Variants in BARX2 observed in about 807,000 individuals in gnomAD.
BARX2 encodes the protein homeobox protein BarH-like 2.
Under a neutral mutation model 25.5 loss-of-function variants are expected in BARX2, and 11 were observed. The observed-to-expected ratio is 0.43, with a 90% CI of 0.27 to 0.71. BARX2 has a LOEUF of 0.71. BARX2 is among the 30% of genes least tolerant of loss of function. The probability of loss-of-function intolerance (pLI) is 0.19; values close to 1 mark genes in which losing one functional copy is unlikely to be tolerated. For synonymous variants in BARX2, 137 were observed against 149.5 expected (o/e 0.92, Z 0.61); for missense variants, 360 against 359.9 (o/e 1.00, Z 0.00).
At chr11:129,407,090 C>T (rs1861838105) in intron 1 of BARX2, among the ~76,000 whole-genome samples, 1 of 152,004 alleles carries the variant, frequency 6.6e-6, no homozygotes, top group African/African-American at 2.4e-5. Flanking sequence ...CTACAGCTTG[C>T]GAATGGGACC....
intron 1 of BARX2, among the ~76,000 whole-genome samples, chr11:129,420,661 T>C (rs894327709): frequency 1.3e-5 from 2 of 152,204 alleles, no homozygotes; most frequent in African/African-American, 4.8e-5. Context: ...AAGTAAATAG[T>C]TTATAGTTTA....
chr11:129,409,234 A>G (rs1466140076), intron 1 of BARX2, among the ~76,000 whole-genome samples: 3 of 152,194 alleles, frequency 2.0e-5, no homozygotes, highest in Admixed American at 6.5e-5. Flanking sequence ...CATGTTTTCC[A>G]TCCCACCCAC....
At chr11:129,413,270 A>C (rs1861908415) in intron 1 of BARX2, among the ~76,000 whole-genome samples, 2 of 152,224 alleles carry the variant, frequency 1.3e-5, no homozygotes, top group African/African-American at 4.8e-5. Flanking sequence ...AACTTAAAGG[A>C]ATTTGTCAAA....
chr11:129,442,485 G>A (rs1006368556), intron 2 of BARX2, among the ~76,000 whole-genome samples: 4 of 152,188 alleles, frequency 2.6e-5, no homozygotes, highest in Non-Finnish European at 4.4e-5. Context: ...TTCCAGTCTG[G>A]ACGATGGGCC....
At position 129,435,798 on chromosome 11, in the gene BARX2, C is replaced by T. The variant is rs144318549; in HGVS notation, c.188-953C>T. ...TGTGTTGAATAATCAAAGGGAAAAG[C>T]TCTTTACTTGAACTTTACAGATTTA... On this transcript the variant is annotated intron_variant, in intron 1 of 3. Transcript: ENST00000281437. 2.3e-3 allele frequency among the ~76,000 whole-genome samples: 357 copies of T among 152,308 alleles called. 1 individual carries two copies. Among genetic ancestry groups the T allele is most frequent in the Non-Finnish European group, 4.2e-3 (289 of 68,034 alleles).
intron 1 of BARX2, among the ~76,000 whole-genome samples, chr11:129,377,099 C>G (rs1427831167): frequency 6.6e-6 from 1 of 152,144 alleles, no homozygotes; most frequent in African/African-American, 2.4e-5. Flanking sequence ...AGTAGGAGCA[C>G]TTTTTATCAG....
chr11:129,391,372 C>T (rs769471434), intron 1 of BARX2, among the ~76,000 whole-genome samples: 5 of 152,212 alleles, frequency 3.3e-5, no homozygotes, highest in Non-Finnish European at 7.3e-5. Context: ...TTGTCTGTGG[C>T]AGCTTTCATG....
Position 129,436,693 on chromosome 11 carries a change from C to T in BARX2, c.188-58C>T. Reference sequence around the variant, plus strand: ...CTCAGCCAGCGGCCCTCCGCAGGTCCTGGCCTGCTTCCCCACACCGTTCCC... The same window carrying T: ...CTCAGCCAGCGGCCCTCCGCAGGTCTTGGCCTGCTTCCCCACACCGTTCCC... On this transcript the variant is annotated intron_variant, in intron 1 of 3. Transcript: ENST00000281437. This position sits in a 1 kb window ranked among gnomAD's most constrained non-coding sequence, Gnocchi z 4.5. The T allele has an allele frequency of 6.6e-7, 1 of 1,514,774 alleles. No homozygotes were observed. The highest frequency in any genetic ancestry group is 8.9e-7 in the Non-Finnish European group (1 of 1,126,662). 93.8% of individuals were successfully genotyped at this position (1,514,774 alleles called of 1,614,324 possible).
intron 1 of BARX2, among the ~76,000 whole-genome samples, chr11:129,404,139 G>A (rs4937426): frequency 0.27 from 41,091 of 152,128 alleles, 7,225 homozygotes; most frequent in East Asian, 0.53. Flanking sequence ...ACACATTGCT[G>A]CACTCATTGC....
At chr11:129,399,565 A>T (rs1265780662) in intron 1 of BARX2, among the ~76,000 whole-genome samples, 1 of 152,120 alleles carries the variant, frequency 6.6e-6, no homozygotes. Context: ...TTTGCCCAGA[A>T]AAGAATTCAA....
rs1171171479 is a variant in BARX2 at position 129,423,933 on chromosome 11, T to A, written c.188-12818T>A. ...GGAGTGCAGTTGGCTCACTGTAACC[T>A]CCACCTCCTAGGTTCAAGCGATTCT... On this transcript the variant is annotated intron_variant, in intron 1 of 3. Transcript: ENST00000281437. Among the ~76,000 whole-genome samples the A allele has an allele frequency of 4.0e-5, 6 of 151,070 alleles. No individual in the cohort carries two copies. The East Asian group carries it at 1.2e-3, about 30-fold the overall frequency.
At chr11:129,395,646 A>G (rs769090623) in intron 1 of BARX2, among the ~76,000 whole-genome samples, 3 of 152,144 alleles carry the variant, frequency 2.0e-5, no homozygotes, top group Non-Finnish European at 4.4e-5. Context: ...TCAGCATGGA[A>G]GAAATCCACT....
intron 1 of BARX2, among the ~76,000 whole-genome samples, chr11:129,408,020 C>CAAAAAAAA (rs59310534): frequency 2.2e-5 from 1 of 46,486 alleles, no homozygotes; most frequent in Non-Finnish European, 4.0e-5. Flanking sequence ...GACTCCGTCT[C>CAAAAAAAA]AAAAAAAAAA....
intron 1 of BARX2, among the ~76,000 whole-genome samples, chr11:129,406,521 T>C (rs565312094): frequency 6.6e-6 from 1 of 152,324 alleles, no homozygotes; most frequent in African/African-American, 2.4e-5. Flanking sequence ...GGGAGACAGA[T>C]GTGCAAGCAA....
intron 1 of BARX2, among the ~76,000 whole-genome samples, chr11:129,391,264 G>A (rs747735180): frequency 1.2e-4 from 19 of 152,114 alleles, no homozygotes; most frequent in Non-Finnish European, 1.8e-4. Flanking sequence ...AATCAAAAGC[G>A]GAACATTTCG....
intron 1 of BARX2, among the ~76,000 whole-genome samples, chr11:129,424,229 T>C (rs951460427): frequency 3.3e-5 from 5 of 152,350 alleles, no homozygotes; most frequent in South Asian, 2.1e-4. Context: ...AGTGAATTTA[T>C]GCATTCATCT....
intron 2 of BARX2, 187 bp downstream of exon 2, chr11:129,437,238 G>A (rs747162851): frequency 4.1e-5 from 27 of 655,094 alleles, no homozygotes; most frequent in Non-Finnish European, 5.9e-5. Context: ...CCACCACACG[G>A]TCCCTGGAGC....
At chr11:129,377,759 A>G (rs992480640) in intron 1 of BARX2, among the ~76,000 whole-genome samples, 3 of 152,226 alleles carry the variant, frequency 2.0e-5, no homozygotes, top group Non-Finnish European at 4.4e-5. Flanking sequence ...AACATTGCGT[A>G]TGGGACATTC....
intron 1 of BARX2, among the ~76,000 whole-genome samples, chr11:129,399,569 A>C (rs1046605967): frequency 1.3e-5 from 2 of 152,100 alleles, no homozygotes; most frequent in African/African-American, 4.8e-5. Flanking sequence ...CCCAGAAAAG[A>C]ATTCAAGGGT....
Sources: allele counts gnomAD v4.1 joint callset (sites outside exome capture counted in the v4.1 genomes callset), GRCh38; gene constraint gnomAD v4.1.1; non-coding constraint Gnocchi (gnomAD v3.1); transcripts MANE v1.5; gene names NCBI Gene and HGNC (gene_info 2026-07-23, HGNC 2026-07-21).